The following SLC35F4 variants were observed in gnomAD, a reference collection of about 807,000 sequenced individuals.
The protein encoded by SLC35F4 is chromosome 14 open reading frame 36.
In SLC35F4, 24 loss-of-function variants were observed where a neutral mutation model predicts 44.2. The ratio of observed to expected loss-of-function variants is 0.54; its 90% CI spans 0.39 to 0.76. The LOEUF (loss-of-function observed/expected upper bound fraction) is 0.76, where lower values mean the gene tolerates loss of function less well. Among genes scored for constraint, SLC35F4 ranks in the 30% least tolerant of loss-of-function variants. The probability of loss-of-function intolerance (pLI) is 0.00; values close to 1 mark genes in which losing one functional copy is unlikely to be tolerated. For missense variants in SLC35F4, 562 were observed against 586.1 expected, an observed-to-expected ratio of 0.96 and a Z score of 0.42; for synonymous variants, 238 against 223.6, an observed-to-expected ratio of 1.06 and a Z score of -0.57.
At chr14:57,613,975 A>G (rs916527773) in intron 1 of SLC35F4, among the ~76,000 whole-genome samples, 1 of 152,226 alleles carries the variant, frequency 6.6e-6, no homozygotes, top group African/African-American at 2.4e-5. Context: ...TTTCACCTAG[A>G]AGGCTCTCAA....
downstream of SLC35F4, among the ~76,000 whole-genome samples, chr14:57,975,431 AC>A (rs1401910544): frequency 2.0e-5 from 3 of 152,150 alleles, no homozygotes; most frequent in African/African-American, 7.2e-5. Flanking sequence ...AAGAAAGACC[AC>A]TCGTGGGAAA....
chr14:57,759,680 A>G (rs1489118035), intron 1 of SLC35F4, among the ~76,000 whole-genome samples: 1 of 152,186 alleles, frequency 6.6e-6, no homozygotes, highest in Non-Finnish European at 1.5e-5. Flanking sequence ...AATGTCTCCA[A>G]ACTCTTGCCA....
chr14:57,941,609 G>A (rs1008126540), intron 1 of SLC35F4, among the ~76,000 whole-genome samples: 2 of 152,156 alleles, frequency 1.3e-5, no homozygotes, highest in African/African-American at 4.8e-5. Flanking sequence ...TTGGAACAAA[G>A]TAGAGGTAGT....
chr14:57,643,608 AT>A (rs929887060), intron 1 of SLC35F4, among the ~76,000 whole-genome samples: 13 of 151,632 alleles, frequency 8.6e-5, no homozygotes, highest in Admixed American at 2.6e-4. Context: ...ATCATTGGTC[AT>A]TTTTTTTAAA....
intron 1 of SLC35F4, among the ~76,000 whole-genome samples, chr14:57,938,268 GCAGA>G (rs1396811853): frequency 3.3e-5 from 5 of 151,970 alleles, no homozygotes; most frequent in African/African-American, 1.2e-4. Context: ...AGACTCTCAA[GCAGA>G]CAGAGGAAAA....
At chr14:57,861,786 A>T (rs1387526621) in intron 1 of SLC35F4, among the ~76,000 whole-genome samples, 1 of 151,912 alleles carries the variant, frequency 6.6e-6, no homozygotes, top group African/African-American at 2.4e-5. Flanking sequence ...TTTTCCTCCT[A>T]TCTCCCTGGA....
intron 1 of SLC35F4, among the ~76,000 whole-genome samples, chr14:57,753,224 A>G (rs1278745183): frequency 6.6e-6 from 1 of 152,136 alleles, no homozygotes; most frequent in Non-Finnish European, 1.5e-5. Flanking sequence ...TCTTCTTGGG[A>G]TTGTGTTCAA....
intron 1 of SLC35F4, among the ~76,000 whole-genome samples, chr14:57,645,928 T>A (rs1305831146): frequency 3.3e-5 from 5 of 152,176 alleles, no homozygotes; most frequent in Non-Finnish European, 7.3e-5. Flanking sequence ...ATTACATTTA[T>A]TGATTTGTGT....
intron 1 of SLC35F4, among the ~76,000 whole-genome samples, chr14:57,744,189 C>A (rs1475322128): frequency 6.6e-6 from 1 of 152,146 alleles, no homozygotes; most frequent in Non-Finnish European, 1.5e-5. Context: ...CCCTCTCTCA[C>A]ACTCCTATTC....
chr14:57,653,558 G>A (rs1289792693), intron 1 of SLC35F4, among the ~76,000 whole-genome samples: 1 of 152,012 alleles, frequency 6.6e-6, no homozygotes, highest in African/African-American at 2.4e-5. Flanking sequence ...TTCAGCTCTG[G>A]GTCTTTGACA....
chr14:57,634,675 C>T (rs887545393), intron 1 of SLC35F4, among the ~76,000 whole-genome samples: 1 of 152,016 alleles, frequency 6.6e-6, no homozygotes, highest in African/African-American at 2.4e-5. Flanking sequence ...GATTTTTTTT[C>T]CCCTAAGTAT....
chr14:57,955,774 C>A (rs1165624616), intron 1 of SLC35F4, among the ~76,000 whole-genome samples: 3 of 152,128 alleles, frequency 2.0e-5, no homozygotes, highest in Non-Finnish European at 4.4e-5. Flanking sequence ...CAAACCACTG[C>A]TCAATGAAAT....
chr14:57,766,204 A>G (rs949632730), intron 1 of SLC35F4, among the ~76,000 whole-genome samples: 2 of 152,206 alleles, frequency 1.3e-5, no homozygotes, highest in Non-Finnish European at 2.9e-5. Context: ...TCAGAATACA[A>G]CATGTACAAG....
At chr14:57,588,339 C>T (rs1464708522) in intron 3 of SLC35F4, among the ~76,000 whole-genome samples, 1 of 150,876 alleles carries the variant, frequency 6.6e-6, no homozygotes, top group Non-Finnish European at 1.5e-5. Context: ...CTTCCATCTG[C>T]CATCCACTGG....
At chr14:57,763,231 A>G (rs1043203522) in intron 1 of SLC35F4, among the ~76,000 whole-genome samples, 19 of 152,136 alleles carry the variant, frequency 1.2e-4, no homozygotes, top group Admixed American at 1.2e-3. Context: ...TACTTTGATG[A>G]TGCTTTCTGC....
intron 1 of SLC35F4, among the ~76,000 whole-genome samples, chr14:57,771,093 T>A (rs1163984934): frequency 2.0e-5 from 3 of 152,198 alleles, no homozygotes; most frequent in Non-Finnish European, 2.9e-5. Flanking sequence ...TTTTTTAGCA[T>A]AGATGAATTC....
intron 4 of SLC35F4, chr14:57,579,131 T>C (rs891865360): frequency 6.6e-6 from 1 of 152,234 alleles, no homozygotes; most frequent in Non-Finnish European, 1.5e-5. Context: ...ACACTTGTTA[T>C]TGGATTTAGG....
intron 1 of SLC35F4, among the ~76,000 whole-genome samples, chr14:57,938,024 A>C (rs1388325098): frequency 6.6e-6 from 1 of 152,206 alleles, no homozygotes; most frequent in Non-Finnish European, 1.5e-5. Flanking sequence ...CTTTGAAGCC[A>C]GCTGAAAATG....
chr14:57,698,848 A>G (rs2075455326), intron 1 of SLC35F4, among the ~76,000 whole-genome samples: 1 of 151,944 alleles, frequency 6.6e-6, no homozygotes, highest in South Asian at 2.1e-4. Flanking sequence ...CTGGTCTCAA[A>G]CTCCTGACCT....
Sources: gnomAD v4.1 joint callset for allele counts (sites outside exome capture counted in the v4.1 genomes callset) on GRCh38, gnomAD v4.1.1 for gene constraint, MANE v1.5 for transcripts, NCBI Gene and HGNC (gene_info 2026-07-23, HGNC 2026-07-21) for gene names.